MAST1: variants seen among roughly 807,000 people sequenced by gnomAD.
MAST1 encodes microtubule-associated serine/threonine-protein kinase 1.
Under a neutral mutation model 124.6 loss-of-function variants are expected in MAST1, and 40 were observed. That is an observed-to-expected ratio of 0.32 (90% CI 0.25 to 0.42). MAST1 has a LOEUF of 0.42. Among genes scored for constraint, MAST1 ranks in the 10% least tolerant of loss-of-function variants. The pLI is 1.00. For synonymous variants in MAST1, 938 were observed against 939.4 expected, an observed-to-expected ratio of 1.00 and a Z score of 0.03; for missense variants, 1,558 against 2,181.9, an observed-to-expected ratio of 0.71 and a Z score of 5.70.
rs141917153 is a variant in MAST1 at position 12,856,399 on chromosome 19, T to C, written c.1078-1963T>C. On this transcript the variant is annotated intron_variant, in intron 10 of 25. Transcript: ENST00000251472. The stretch of plus-strand genomic sequence containing the variant: ...CTCACTGCAACCTCTGCTTCCTGGG[T>C]TCAAGTGGTTCTCCTGCTTCAGCCT... Among the ~76,000 whole-genome samples, 596 of 151,850 alleles carry C rather than the reference T, an allele frequency of 3.9e-3. 6 individuals are homozygous for C. The highest frequency in any genetic ancestry group is 0.014 in the African/African-American group (572 of 41,398).
intron 24 of MAST1, among the ~76,000 whole-genome samples, chr19:12,872,463 G>T (rs1970248124): frequency 6.6e-6 from 1 of 152,078 alleles, no homozygotes. Flanking sequence ...CCTGGACTGG[G>T]AGTGGCCAAA....
intron 7 of MAST1, chr19:12,848,474 A>AC: frequency 5.8e-6 from 1 of 173,590 alleles, no homozygotes; most frequent in Non-Finnish European, 1.2e-5. Flanking sequence ...ACACACACAC[A>AC]AAATTAGCCG....
chr19:12,856,460 G>A (rs534330503), intron 10 of MAST1, among the ~76,000 whole-genome samples: 7 of 151,812 alleles, frequency 4.6e-5, no homozygotes, highest in African/African-American at 1.7e-4. Context: ...CCACCACCAC[G>A]CCTGGCTAAG....
chr19:12,869,366 C>A, intron 22 of MAST1, 71 bp downstream of exon 22: 3 of 1,289,758 alleles, frequency 2.3e-6, no homozygotes, highest in South Asian at 1.3e-5. Flanking sequence ...CCAGCTCAAA[C>A]CAGTTAGCCT....
intron 22 of MAST1, among the ~76,000 whole-genome samples, chr19:12,870,180 CAAAA>C (rs35731863): frequency 1.6e-4 from 5 of 30,610 alleles, no homozygotes; most frequent in Admixed American, 5.6e-4. Flanking sequence ...GACACCATCT[CAAAA>C]AAAAAAAAAA....
chr19:12,847,380 A>G lies in MAST1; in HGVS notation c.418A>G (p.Thr140Ala). 6.2e-7 allele frequency: 1 copy of G among 1,613,898 alleles called. No homozygotes were observed. Among genetic ancestry groups the G allele is most frequent in the Non-Finnish European group, 8.5e-7 (1 of 1,180,012 alleles). The change falls in exon 5 of 26, where the codon ACC (threonine) becomes GCC (alanine). Residue 140 changes from threonine to alanine, a missense_variant. Thr to Ala is a moderately conservative substitution (Grantham distance 58). Around this residue, in one of 10 missense-constraint regions of MAST1, gnomAD observed 165 missense variants for 315.3 expected, o/e 0.52. Coordinates refer to ENST00000251472, the MANE Select transcript of MAST1 (RefSeq NM_014975.3). The surrounding 1 kb of genome is among the most constrained non-coding windows in gnomAD (Gnocchi z 5.5). The stretch of plus-strand genomic sequence containing the variant: ...CTTCCTCTCCAAACACTTCGGGAGC[A>G]CCGAGAGCATCACAGACGAGGATGG... ...LHFLSKHFGS[T>A]ESITDEDGGR...
At chr19:12,851,878 G>T in intron 7 of MAST1, 56 bp from the exon 8 acceptor site, 2 of 1,375,556 alleles carry the variant, frequency 1.5e-6, no homozygotes, top group East Asian at 2.4e-5. Flanking sequence ...CTGAGAGAGG[G>T]GCCGGGCTGA....
At chr19:12,848,088 A>C in intron 7 of MAST1, 31 bp downstream of exon 7, 25 of 1,592,098 alleles carry the variant, frequency 1.6e-5, no homozygotes, top group African/African-American at 2.7e-5. Flanking sequence ...GGCTGATCTC[A>C]GGCTCAGCAC....
In MAST1 at chr19:12,843,626, T is replaced by G. The variant is rs1394598817; in HGVS notation, c.327+19T>G. 3 of 1,609,264 alleles carry G rather than the reference T, an allele frequency of 1.9e-6. No homozygotes were observed. In the African/African-American group the frequency reaches 4.0e-5, roughly 22 times the overall value. ...CGTCTCGGTGAGTGTGGAAAGTAGGTGGGTGGGCCGGTGGGTAAGGAATTC... is the reference window on the plus strand; with the variant it reads ...CGTCTCGGTGAGTGTGGAAAGTAGGGGGGTGGGCCGGTGGGTAAGGAATTC... On this transcript the variant is annotated intron_variant, in intron 4 of 25. Transcript: ENST00000251472. The surrounding 1 kb of genome is among the most constrained non-coding windows in gnomAD (Gnocchi z 4.9).
Position 12,865,062 on chromosome 19 carries a change from A to G in MAST1, c.1522A>G (p.Met508Val). The change falls in exon 14 of 26, where the codon ATG (methionine) becomes GTG (valine). Residue 508 changes from methionine (M) to valine (V), a missense_variant. Coordinates refer to ENST00000251472, the MANE Select transcript of MAST1 (RefSeq NM_014975.3). The surrounding 1 kb of genome is among the most constrained non-coding windows in gnomAD (Gnocchi z 7.1). ...LKPDNLLITSMGHIKLTDFGL... is the reference protein window; with the variant it reads ...LKPDNLLITSVGHIKLTDFGL... ...TGCCTACAGCCTCCTTATCACCTCCATGGGTCACATCAAGCTCACAGATTT... is the reference window on the plus strand; with the variant it reads ...TGCCTACAGCCTCCTTATCACCTCCGTGGGTCACATCAAGCTCACAGATTT... 3 of 1,613,964 alleles carry G rather than the reference A, an allele frequency of 1.9e-6. No individual in the cohort carries two copies. The highest frequency in any genetic ancestry group is 2.5e-6 in the Non-Finnish European group (3 of 1,179,976).
At chr19:12,867,156 G>A (rs922978431) in intron 18 of MAST1, among the ~76,000 whole-genome samples, 9 of 152,154 alleles carry the variant, frequency 5.9e-5, no homozygotes, top group Admixed American at 2.0e-4. Context: ...GCTTTGAGAA[G>A]CAACTTGTAG....
Position 12,847,304 on chromosome 19 carries a change from C to T in MAST1, c.342C>T (p.Ser114=), listed in dbSNP as rs757519594. ...CCTGTCCCCAGTCCTCCTGCTCCTC[C>T]CAGGAGCGCCTTCACCAGCTGCCCT... ...PSSTVSSSCS[S]QERLHQLPYQ... is the part of the protein sequence containing the mutation. The change falls in exon 5 of 26, where the codon TCC becomes TCT. Residue 114 remains serine (S), a synonymous_variant. Coordinates refer to ENST00000251472, the MANE Select transcript of MAST1 (RefSeq NM_014975.3). The surrounding 1 kb of genome is among the most constrained non-coding windows in gnomAD (Gnocchi z 5.5). 1 of 1,613,342 alleles carries T rather than the reference C, an allele frequency of 6.2e-7. No homozygotes were observed. Among genetic ancestry groups the T allele is most frequent in the Non-Finnish European group, 8.5e-7 (1 of 1,179,668 alleles).
chr19:12,847,733 A>T lies in MAST1; in HGVS notation c.564+46A>T. 1 of 1,602,928 alleles carries T rather than the reference A, an allele frequency of 6.2e-7. No homozygotes were observed. ...GTCACGGGGTGACCAGGCGGCCTGC[A>T]CTCTCGCTCGCCTTATCCCCGCGCG... On this transcript the variant is annotated intron_variant, in intron 6 of 25. Transcript: ENST00000251472. The surrounding 1 kb of genome is among the most constrained non-coding windows in gnomAD (Gnocchi z 5.5).
rs781529458 is a variant in MAST1, at chr19:12,874,287, C to T, written c.4130C>T (p.Pro1377Leu). ...TGCACCCCACCCCGCGCGACGACCCCCGGTGGCCGGACCCTGGAGCGGGAC... is the reference window on the plus strand; with the variant it reads ...TGCACCCCACCCCGCGCGACGACCCTCGGTGGCCGGACCCTGGAGCGGGAC... ...EACTPPRATT[P>L]GGRTLERDVG... The change falls in exon 26 of 26, where the codon CCC becomes CTC. Residue 1377 changes from proline to leucine, a missense_variant. By Grantham distance (98) the Pro-to-Leu change is moderately conservative. Around this residue, in one of 10 missense-constraint regions of MAST1, gnomAD observed 263 missense variants for 310.9 expected, o/e 0.85. Coordinates refer to ENST00000251472, the MANE Select transcript of MAST1 (RefSeq NM_014975.3). The surrounding 1 kb of genome is among the most constrained non-coding windows in gnomAD (Gnocchi z 6.6). 2 of 1,591,442 alleles carry T rather than the reference C, an allele frequency of 1.3e-6. No individual in the cohort carries two copies. The highest frequency in any genetic ancestry group is 4.5e-5 in the East Asian group (2 of 44,402).
Position 12,866,532 on chromosome 19 carries a change from CA to C in MAST1, c.2030-120del, listed in dbSNP as rs1970156238. ...GCCTAAATTAAATACACTAATGAGGCAGGGGCGTGGCCTGACCTGAAGACTT... is the reference window on the plus strand; with the variant it reads ...GCCTAAATTAAATACACTAATGAGGCGGGGCGTGGCCTGACCTGAAGACTT... On this transcript the variant is annotated intron_variant, in intron 17 of 25. Coordinates refer to ENST00000251472, the MANE Select transcript of MAST1 (RefSeq NM_014975.3). The surrounding 1 kb of genome is among the most constrained non-coding windows in gnomAD (Gnocchi z 5.2). The C allele has an allele frequency of 4.5e-6, 3 of 664,106 alleles. No individual in the cohort carries two copies. In the South Asian group the frequency reaches 5.3e-5, roughly 12 times the overall value. 41.1% of individuals were successfully genotyped at this position (664,106 alleles called of 1,614,324 possible).
Position 12,866,549 on chromosome 19 carries a change from C to A in MAST1, c.2030-104C>A. 1.3e-6 allele frequency: 1 copy of A among 744,408 alleles called. No homozygotes were observed. The highest frequency in any genetic ancestry group is 1.6e-5 in the South Asian group (1 of 61,650). The allele number at this position is 744,408 out of a possible 1,614,324, so 46.1% of individuals were successfully genotyped here. A position where few individuals can be genotyped will look rare whatever the true frequency, so the allele number is the denominator to read the frequency against. On this transcript the variant is annotated intron_variant, in intron 17 of 25. Transcript: ENST00000251472. The surrounding 1 kb of genome is among the most constrained non-coding windows in gnomAD (Gnocchi z 5.2). ...TAATGAGGCAGGGGCGTGGCCTGAC[C>A]TGAAGACTTGTAAACCCGTCTTGAA... is the stretch of plus-strand genomic sequence containing the variant.
rs559835684 is a variant in MAST1 at position 12,856,646 on chromosome 19, C to T, written c.1078-1716C>T. On this transcript the variant is annotated intron_variant, in intron 10 of 25. Coordinates refer to ENST00000251472, the MANE Select transcript of MAST1 (RefSeq NM_014975.3). ...GCACATAAACGTACAATACATATTG[C>T]CTATTGCATTTTTACACTTAATAAA... is the stretch of plus-strand genomic sequence containing the variant. Among the ~76,000 whole-genome samples the T allele has an allele frequency of 1.2e-4, 19 of 152,242 alleles. No homozygotes were observed. The South Asian group carries it at 3.7e-3, about 30-fold the overall frequency.
At chr19:12,840,604 C>G in intron 2 of MAST1, 70 bp downstream of exon 2, 5 of 1,142,422 alleles carry the variant, frequency 4.4e-6, no homozygotes, top group Non-Finnish European at 6.5e-6. Flanking sequence ...GGCGAGGAAG[C>G]GTGGTCATGC....
Position 12,873,459 on chromosome 19 carries a change from G to T in MAST1, c.3399G>T (p.Pro1133=). 6.2e-7 allele frequency: 1 copy of T among 1,610,616 alleles called. No homozygotes were observed. The highest frequency in any genetic ancestry group is 8.5e-7 in the Non-Finnish European group (1 of 1,179,696). The change falls in exon 25 of 26, where the codon CCG becomes CCT. Residue 1133 remains proline, a synonymous_variant. Transcript: ENST00000251472. The part of the protein sequence containing the change: ...SLPGSPTHGL[P]ARSPTHSYRS... ...CGGGCTCGCCTACGCACGGGCTGCCGGCGCGCTCGCCCACGCACAGCTACC... is the reference window on the plus strand; with the variant it reads ...CGGGCTCGCCTACGCACGGGCTGCCTGCGCGCTCGCCCACGCACAGCTACC...
Sources: gnomAD v4.1 joint callset for allele counts (sites outside exome capture counted in the v4.1 genomes callset) on GRCh38, gnomAD v4.1.1 for gene constraint, gnomAD v4.1.1 regional missense constraint, Gnocchi (gnomAD v3.1) non-coding constraint, MANE v1.5 for transcripts, NCBI Gene and HGNC (gene_info 2026-07-23, HGNC 2026-07-21) for gene names.